The following NR1D2 variants were observed in gnomAD, a reference collection of about 807,000 sequenced individuals.
NR1D2 encodes nuclear receptor subfamily 1 group D member 2, also known as V-erbA-related protein 1-related.
A neutral mutation model predicts 52.2 loss-of-function variants in NR1D2; 25 were observed. That is an observed-to-expected ratio of 0.48 (90% CI 0.35 to 0.67). NR1D2 has a LOEUF of 0.67. Ranked by LOEUF, NR1D2 falls within the 30% of genes least tolerant of loss-of-function variation. The pLI is 0.01. For missense variants in NR1D2, 681 were observed against 707.2 expected (o/e 0.96, Z 0.42); for synonymous variants, 259 against 230.1 (o/e 1.13, Z -1.14).
In NR1D2 at chr3:23,959,791, C is replaced by CT; in HGVS notation, c.494dup (p.Ser166ValfsTer16). On this transcript the variant is annotated frameshift_variant, in exon 4 of 8. Transcript: ENST00000312521. LOFTEE classifies it high-confidence loss of function. Reference sequence around the variant, plus strand: ...TCAGCAATGTCGCTTCAAAAAGTGTCTGTCTGTTGGAATGTCAAGAGATGG... The same window carrying CT: ...TCAGCAATGTCGCTTCAAAAAGTGTCTTGTCTGTTGGAATGTCAAGAGATGG... 1 of 1,613,568 alleles carries CT rather than the reference C, an allele frequency of 6.2e-7. No individual in the cohort carries two copies. The highest frequency in any genetic ancestry group is 8.5e-7 in the Non-Finnish European group (1 of 1,179,782).
chr3:23,948,174 G>C (rs1054776137), intron 1 of NR1D2, among the ~76,000 whole-genome samples: 2 of 151,994 alleles, frequency 1.3e-5, no homozygotes, highest in Non-Finnish European at 2.9e-5. Context: ...GACCAAGGTG[G>C]GGCCAGATTC....
At chr3:23,957,689 C>T (rs1241352532) in intron 3 of NR1D2, among the ~76,000 whole-genome samples, 2 of 151,336 alleles carry the variant, frequency 1.3e-5, no homozygotes, top group East Asian at 3.9e-4. Flanking sequence ...CACCACTGCA[C>T]TCCAAGCCTG....
At chr3:23,970,835 G>GCC (rs1706568303) in intron 7 of NR1D2, among the ~76,000 whole-genome samples, 1 of 152,078 alleles carries the variant, frequency 6.6e-6, no homozygotes, top group Admixed American at 6.6e-5. Flanking sequence ...AGGCTGGAGT[G>GCC]CAATGGCATG....
intron 6 of NR1D2, among the ~76,000 whole-genome samples, chr3:23,966,914 C>T (rs150462015): frequency 7.3e-4 from 111 of 152,202 alleles, no homozygotes; most frequent in Non-Finnish European, 1.3e-3. Flanking sequence ...TTTGTATTCT[C>T]AGCTATTCAG....
intron 1 of NR1D2, among the ~76,000 whole-genome samples, chr3:23,949,897 G>A (rs996798173): frequency 1.3e-5 from 2 of 152,170 alleles, no homozygotes; most frequent in African/African-American, 4.8e-5. Flanking sequence ...ATATATGCAG[G>A]AATATCAGTG....
intron 3 of NR1D2, among the ~76,000 whole-genome samples, chr3:23,958,080 T>C (rs1706134112): frequency 6.6e-6 from 1 of 152,234 alleles, no homozygotes; most frequent in African/African-American, 2.4e-5. Context: ...TCACAGAACA[T>C]GTACTGGAAT....
intron 4 of NR1D2, among the ~76,000 whole-genome samples, chr3:23,960,801 A>G (rs994855904): frequency 6.6e-6 from 1 of 152,228 alleles, no homozygotes; most frequent in African/African-American, 2.4e-5. Flanking sequence ...GAGTAGAGAT[A>G]AAGTATCAAA....
intron 1 of NR1D2, among the ~76,000 whole-genome samples, chr3:23,953,342 C>CA (rs55698030): frequency 0.033 from 1,734 of 52,332 alleles, 158 homozygotes; most frequent in African/African-American, 0.038. Context: ...GACTCTGTCT[C>CA]AAAAAAAAAA....
At chr3:23,955,711 C>T (rs530938352) in intron 2 of NR1D2, among the ~76,000 whole-genome samples, 111 of 152,142 alleles carry the variant, frequency 7.3e-4, no homozygotes, top group Middle Eastern at 3.4e-3. Context: ...GTCCCAGCTA[C>T]TTGGGAGGCT....
chr3:23,958,968 C>T (rs1706160698), intron 3 of NR1D2, among the ~76,000 whole-genome samples: 1 of 151,650 alleles, frequency 6.6e-6, no homozygotes, highest in Non-Finnish European at 1.5e-5. Context: ...AGCAAACAAA[C>T]AAACAAAAAA....
intron 5 of NR1D2, among the ~76,000 whole-genome samples, chr3:23,964,222 C>T (rs865785669): frequency 6.6e-6 from 1 of 151,948 alleles, no homozygotes; most frequent in South Asian, 2.1e-4. Flanking sequence ...GGACTACAGG[C>T]GCAAGCCACC....
At position 23,957,443 on chromosome 3, in the gene NR1D2, G is replaced by A. The variant is rs556403637; in HGVS notation, c.372+1318G>A. 2.9e-5 allele frequency among the ~76,000 whole-genome samples: 4 copies of A among 136,490 alleles called. No homozygotes were observed. The Admixed American group carries it at 3.0e-4, about 10-fold the overall frequency. 89.5% of individuals were successfully genotyped at this position (136,490 alleles called of 152,430 possible). A position where few individuals can be genotyped will look rare whatever the true frequency, so the allele number is the denominator to read the frequency against. Reference sequence around the variant, plus strand: ...AAAAATGTGAAGTAATAGGCCAGGTGCGGTGGCTCACGCCTGTAATCCCAG... The same window carrying A: ...AAAAATGTGAAGTAATAGGCCAGGTACGGTGGCTCACGCCTGTAATCCCAG... On this transcript the variant is annotated intron_variant, in intron 3 of 7. Transcript: ENST00000312521.
chr3:23,946,337 G>A (rs1243815646), intron 1 of NR1D2: 5 of 977,750 alleles, frequency 5.1e-6, no homozygotes, highest in Non-Finnish European at 6.1e-6. Context: ...CAGATTCCGA[G>A]GAGGAAGTGC....
At chr3:23,954,869 T>C (rs1706041190) in intron 2 of NR1D2, 66 bp downstream of exon 2, 1 of 1,497,016 alleles carries the variant, frequency 6.7e-7, no homozygotes, top group South Asian at 1.2e-5. Flanking sequence ...TTTATCAGCT[T>C]TTCATTTAGG....
chr3:23,977,583 CTT>C lies in NR1D2; in HGVS notation c.*165_*166del. ...GCAATAGCTGTTCGGATTGAGAACT[CTT>C]CAGCCATGATTAGACGTTGACTGCA... On this transcript the variant is annotated 3_prime_UTR_variant, in exon 8 of 8. Coordinates refer to ENST00000312521, the MANE Select transcript of NR1D2 (RefSeq NM_005126.5). The C allele has an allele frequency of 2.3e-6, 1 of 442,274 alleles. No individual in the cohort carries two copies. The highest frequency in any genetic ancestry group is 3.9e-6 in the Non-Finnish European group (1 of 255,176). The allele number at this position is 442,274 out of a possible 1,614,324, so 27.4% of individuals were successfully genotyped here. A position where few individuals can be genotyped will look rare whatever the true frequency, so the allele number is the denominator to read the frequency against.
At chr3:23,965,588 A>G (rs2125293552) in intron 6 of NR1D2, among the ~76,000 whole-genome samples, 1 of 152,146 alleles carries the variant, frequency 6.6e-6, no homozygotes, top group South Asian at 2.1e-4. Context: ...TATAGTCCAG[A>G]GTCTGAAACT....
At chr3:23,971,076 C>T (rs998672197) in intron 7 of NR1D2, among the ~76,000 whole-genome samples, 8 of 151,976 alleles carry the variant, frequency 5.3e-5, no homozygotes, top group East Asian at 1.9e-4. Context: ...CCACCGTGCC[C>T]GGCCAAACAG....
Position 23,967,835 on chromosome 3 carries a change from CATT to C in NR1D2, c.1359_1361del (p.Leu453del), listed in dbSNP as rs1271157947. ...CAGGTTTTAATGGTACGGTTCGCAT[CATT>C]ATTTGATGCAAAGGAACGTACTGTC... is the stretch of plus-strand genomic sequence containing the variant. On this transcript the variant is annotated inframe_deletion, in exon 7 of 8. Coordinates refer to ENST00000312521, the MANE Select transcript of NR1D2 (RefSeq NM_005126.5). 1.2e-6 allele frequency: 2 copies of C among 1,613,530 alleles called. No homozygotes were observed. Among genetic ancestry groups the C allele is most frequent in the African/African-American group, 1.3e-5 (1 of 74,844 alleles).
chr3:23,957,579 C>T (rs1411852444), intron 3 of NR1D2, among the ~76,000 whole-genome samples: 2 of 150,932 alleles, frequency 1.3e-5, no homozygotes, highest in South Asian at 2.1e-4. Context: ...AAAAATTAGC[C>T]GGACGTAGTG....
Sources: gnomAD v4.1 joint callset for allele counts (sites outside exome capture counted in the v4.1 genomes callset) on GRCh38, gnomAD v4.1.1 for gene constraint, MANE v1.5 for transcripts, NCBI Gene and HGNC (gene_info 2026-07-23, HGNC 2026-07-21) for gene names.